Variants in EXOC2 observed in about 807,000 individuals in gnomAD.
EXOC2 encodes SEC5-like 1.
A neutral mutation model predicts 131.8 loss-of-function variants in EXOC2; 70 were observed. That is an observed-to-expected ratio of 0.53 (90% CI 0.44 to 0.65). The LOEUF (loss-of-function observed/expected upper bound fraction) is 0.65, where lower values mean the gene tolerates loss of function less well. EXOC2 is among the 30% of genes least tolerant of loss of function. The pLI is 0.00. For missense variants in EXOC2, 923 were observed against 1,108.6 expected (o/e 0.83, Z 2.38); for synonymous variants, 411 against 398.4 (o/e 1.03, Z -0.38).
In EXOC2 at chr6:576,872, G is replaced by T. The variant is rs1339761018; in HGVS notation, c.1203C>A (p.Gly401=). 2 of 1,613,918 alleles carry T rather than the reference G, an allele frequency of 1.2e-6. No homozygotes were observed. The highest frequency in any genetic ancestry group is 2.2e-5 in the South Asian group (2 of 91,040). Residue 401 remains glycine, a synonymous_variant, in exon 12 of 28, where the codon GGC becomes GGA. Transcript: ENST00000230449. ...CAAGATCCAACATGGGACTGTGCAG[G>T]CCTGGGTTACCTGGGGAAGAAAGGA... ...GYVKDLKGNP[G]LHSPMLDLDN...
intron 10 of EXOC2, 41 bp from the exon 11 acceptor site, chr6:592,628 T>G: frequency 6.8e-7 from 1 of 1,468,336 alleles, no homozygotes; most frequent in Non-Finnish European, 9.5e-7. Context: ...AGGGAAATGC[T>G]GGCATATTTT....
At chr6:544,337 A>ATC (rs1413750511) in intron 22 of EXOC2, among the ~76,000 whole-genome samples, 1 of 152,190 alleles carries the variant, frequency 6.6e-6, no homozygotes, top group Non-Finnish European at 1.5e-5. Context: ...CTGATGGGGT[A>ATC]TCTCTCTAAG....
chr6:648,929 T>C (rs1317348274), intron 1 of EXOC2, among the ~76,000 whole-genome samples: 2 of 151,644 alleles, frequency 1.3e-5, no homozygotes, highest in Non-Finnish European at 2.9e-5. Context: ...AGGGTCTTGC[T>C]CTTGAACTCC....
At chr6:529,912 A>C (rs2473477) in intron 23 of EXOC2, among the ~76,000 whole-genome samples, 46,232 of 152,086 alleles carry the variant, frequency 0.3, 8,416 homozygotes, top group African/African-American at 0.51. Flanking sequence ...TATTACCGAA[A>C]AATGTATTAC....
At chr6:497,163 C>T (rs1375944733) in intron 25 of EXOC2, among the ~76,000 whole-genome samples, 1 of 152,190 alleles carries the variant, frequency 6.6e-6, no homozygotes, top group African/African-American at 2.4e-5. Context: ...TCTTTAAGAT[C>T]TTGCTCTACT....
At chr6:534,067 G>A (rs963362257) in intron 22 of EXOC2, among the ~76,000 whole-genome samples, 1 of 152,182 alleles carries the variant, frequency 6.6e-6, no homozygotes, top group Non-Finnish European at 1.5e-5. Flanking sequence ...GCTAACAAAT[G>A]AGTAGATTAA....
intron 11 of EXOC2, among the ~76,000 whole-genome samples, chr6:578,003 C>G (rs1364710252): frequency 2.0e-5 from 3 of 152,302 alleles, no homozygotes; most frequent in South Asian, 2.1e-4. Context: ...ATTCTAGAGT[C>G]TGTAGTTCAT....
chr6:557,632 A>C (rs910715718), intron 17 of EXOC2, among the ~76,000 whole-genome samples: 1 of 150,854 alleles, frequency 6.6e-6, no homozygotes. Context: ...AAAAAAAAAA[A>C]AAAGAAAAGA....
At chr6:517,708 T>C (rs1281413260) in intron 23 of EXOC2, among the ~76,000 whole-genome samples, 1 of 152,204 alleles carries the variant, frequency 6.6e-6, no homozygotes, top group Non-Finnish European at 1.5e-5. Context: ...TTCAATCTTA[T>C]CATCAAAAGC....
At chr6:580,534 A>T (rs1015540388) in intron 11 of EXOC2, among the ~76,000 whole-genome samples, 1 of 152,124 alleles carries the variant, frequency 6.6e-6, no homozygotes, top group Non-Finnish European at 1.5e-5. Flanking sequence ...TTAAAGCAGG[A>T]AATGATTACC....
intron 22 of EXOC2, among the ~76,000 whole-genome samples, chr6:537,233 A>ACAGCCGACGGAGCGTACACTCGAGT (rs1766503815): frequency 1.5e-5 from 2 of 132,298 alleles, no homozygotes; most frequent in Admixed American, 1.5e-4. Flanking sequence ...CACACACGAG[A>ACAGCCGACGGAGCGTACACTCGAGT]TGACGGCCGA....
At chr6:518,786 T>C (rs115168308) in intron 23 of EXOC2, among the ~76,000 whole-genome samples, 236 of 152,300 alleles carry the variant, frequency 1.5e-3, no homozygotes, top group African/African-American at 5.2e-3. Flanking sequence ...ATTATACTCC[T>C]TTAGAAAATG....
intron 21 of EXOC2, among the ~76,000 whole-genome samples, chr6:551,581 C>A (rs1427308915): frequency 1.3e-5 from 2 of 152,122 alleles, no homozygotes; most frequent in South Asian, 2.1e-4. Context: ...CTGGAAGAGG[C>A]ACAAGAGCAG....
At chr6:554,561 T>A (rs1259058422) in intron 20 of EXOC2, among the ~76,000 whole-genome samples, 1 of 152,190 alleles carries the variant, frequency 6.6e-6, no homozygotes, top group Non-Finnish European at 1.5e-5. Flanking sequence ...GATAGTTTTA[T>A]ATACTGAAAA....
At chr6:603,876 G>A (rs1760249667) in intron 7 of EXOC2, among the ~76,000 whole-genome samples, 1 of 152,138 alleles carries the variant, frequency 6.6e-6, no homozygotes, top group Admixed American at 6.5e-5. Context: ...ATTTTCACTA[G>A]ACATGCAATA....
At chr6:567,225 A>G (rs1392319852) in intron 13 of EXOC2, among the ~76,000 whole-genome samples, 1 of 148,620 alleles carries the variant, frequency 6.7e-6, no homozygotes, top group Non-Finnish European at 1.5e-5. Context: ...CAGCCCTCCC[A>G]CTGCTCAGGA....
chr6:640,887 GA>G (rs35336519), intron 1 of EXOC2, among the ~76,000 whole-genome samples: 106,518 of 149,996 alleles, frequency 0.71, 38,216 homozygotes, highest in Middle Eastern at 0.89. Flanking sequence ...AGCAGGTACA[GA>G]AAAAAAAAAA....
intron 25 of EXOC2, among the ~76,000 whole-genome samples, chr6:491,817 C>G (rs1008235314): frequency 6.6e-6 from 1 of 152,202 alleles, no homozygotes; most frequent in Non-Finnish European, 1.5e-5. Flanking sequence ...CTGACTTCAG[C>G]CATACTCCAA....
At chr6:580,977 CA>C (rs1758859332) in intron 11 of EXOC2, among the ~76,000 whole-genome samples, 1 of 152,104 alleles carries the variant, frequency 6.6e-6, no homozygotes, top group Non-Finnish European at 1.5e-5. Flanking sequence ...AATTACATCA[CA>C]AAAATACTAA....
Sources: gnomAD v4.1 joint callset for allele counts (sites outside exome capture counted in the v4.1 genomes callset) on GRCh38, gnomAD v4.1.1 for gene constraint, MANE v1.5 for transcripts, NCBI Gene and HGNC (gene_info 2026-07-23, HGNC 2026-07-21) for gene names.